KCNQ1OT1: variants seen among roughly 807,000 people sequenced by gnomAD.
KCNQ1OT1 encodes the protein KCNQ1 antisense RNA 2 (non-protein coding).
chr11:2,669,014 G>A lies in KCNQ1OT1; in HGVS notation n.30981C>T. Reference sequence around the variant, plus strand: ...TCAAGGTCCACTCTTCCCCTACTTGGATATCCAGTCTAGCTCAGCACCCGG... The same window carrying A: ...TCAAGGTCCACTCTTCCCCTACTTGAATATCCAGTCTAGCTCAGCACCCGG... On this transcript the variant is annotated non_coding_transcript_exon_variant, in exon 1 of 1. Coordinates refer to ENST00000597346, the Ensembl canonical transcript of KCNQ1OT1. This position sits in a 1 kb window ranked among gnomAD's most constrained non-coding sequence, Gnocchi z 5.6. 2.5e-6 allele frequency: 1 copy of A among 398,602 alleles called. No individual in the cohort carries two copies. Among genetic ancestry groups the A allele is most frequent in the Non-Finnish European group, 4.4e-6 (1 of 226,088 alleles). 24.7% of individuals were successfully genotyped at this position (398,602 alleles called of 1,614,324 possible).
rs776555787 is a variant in KCNQ1OT1, at chr11:2,679,941, G to A, written n.20054C>T. The A allele has an allele frequency of 2.3e-5, 9 of 396,710 alleles. No homozygotes were observed. Among genetic ancestry groups the A allele is most frequent in the East Asian group, 7.1e-5 (2 of 28,046 alleles). 24.6% of individuals were successfully genotyped at this position (396,710 alleles called of 1,614,324 possible). A position where few individuals can be genotyped will look rare whatever the true frequency, so the allele number is the denominator to read the frequency against. ...CAGAGTCTCACTTTGTCACCTAGGC[G>A]GGAATGCAGTGGCACAGTCTCGGCT... On this transcript the variant is annotated non_coding_transcript_exon_variant, in exon 1 of 1. Transcript: ENST00000597346. This position sits in a 1 kb window ranked among gnomAD's most constrained non-coding sequence, Gnocchi z 4.8.
exon 1 of KCNQ1OT1, chr11:2,646,046 G>A (rs1849660694): frequency 2.5e-6 from 1 of 398,654 alleles, no homozygotes; most frequent in Non-Finnish European, 4.4e-6. Context: ...ACATCGAGGA[G>A]TCTCTTCATG....
chr11:2,671,805 A>G lies in KCNQ1OT1; in HGVS notation n.28190T>C, dbSNP rs193239171. 4.1e-3 allele frequency: 1,624 copies of G among 398,712 alleles called. 8 individuals carry two copies. Among genetic ancestry groups the G allele is most frequent in the Middle Eastern group, 0.026 (42 of 1,588 alleles). The allele number at this position is 398,712 out of a possible 1,614,324, so 24.7% of individuals were successfully genotyped here. On this transcript the variant is annotated non_coding_transcript_exon_variant, in exon 1 of 1. Coordinates refer to ENST00000597346, the Ensembl canonical transcript of KCNQ1OT1. This position sits in a 1 kb window ranked among gnomAD's most constrained non-coding sequence, Gnocchi z 4.7. ...GACCCAGTCAGGGTTCTTCCCCCAA[A>G]TAAATCCCTGCAACCCCACTGTGGT...
exon 1 of KCNQ1OT1, chr11:2,648,987 T>TTC (rs1849713652): frequency 3.7e-6 from 1 of 270,644 alleles, no homozygotes; most frequent in East Asian, 6.7e-5. Flanking sequence ...TTTTCTTTTT[T>TTC]TTTTTTTTTT....
In KCNQ1OT1 at chr11:2,623,420, A is replaced by G. The variant is rs1849206919; in HGVS notation, n.76575T>C. 1 of 398,486 alleles carries G rather than the reference A, an allele frequency of 2.5e-6. No individual in the cohort carries two copies. Among genetic ancestry groups the G allele is most frequent in the African/African-American group, 2.1e-5 (1 of 48,622 alleles). 24.7% of individuals were successfully genotyped at this position (398,486 alleles called of 1,614,324 possible). On this transcript the variant is annotated non_coding_transcript_exon_variant, in exon 1 of 1. Coordinates refer to ENST00000597346, the Ensembl canonical transcript of KCNQ1OT1. The surrounding 1 kb of genome is among the most constrained non-coding windows in gnomAD (Gnocchi z 5.2). ...CCTAAAAGTACTCTGTGCACTGCCTATTCAACCCTTCTTCCCCAACAACCC... is the reference window on the plus strand; with the variant it reads ...CCTAAAAGTACTCTGTGCACTGCCTGTTCAACCCTTCTTCCCCAACAACCC...
In KCNQ1OT1 at chr11:2,624,673, C is replaced by T. The variant is rs1849234463; in HGVS notation, n.75322G>A. On this transcript the variant is annotated non_coding_transcript_exon_variant, in exon 1 of 1. Transcript: ENST00000597346. This position sits in a 1 kb window ranked among gnomAD's most constrained non-coding sequence, Gnocchi z 4.9. ...CACAATGCTGTGCAATCATCACTATCATCCATCTCCATAACACTTGTCATT... is the reference window on the plus strand; with the variant it reads ...CACAATGCTGTGCAATCATCACTATTATCCATCTCCATAACACTTGTCATT... 2.5e-6 allele frequency: 1 copy of T among 398,410 alleles called. No homozygotes were observed. The highest frequency in any genetic ancestry group is 2.1e-5 in the African/African-American group (1 of 48,622). 24.7% of individuals were successfully genotyped at this position (398,410 alleles called of 1,614,324 possible).
chr11:2,630,014 A>T (rs1849327384), exon 1 of KCNQ1OT1: 1 of 397,192 alleles, frequency 2.5e-6, no homozygotes, highest in Admixed American at 4.4e-5. Flanking sequence ...GAGGAGAGGC[A>T]TTCAGCTTTT....
At position 2,678,831 on chromosome 11, in the gene KCNQ1OT1, A is replaced by G. The variant is rs1850338076; in HGVS notation, n.21164T>C. 1.0e-5 allele frequency: 4 copies of G among 398,636 alleles called. No homozygotes were observed. Among genetic ancestry groups the G allele is most frequent in the Non-Finnish European group, 8.8e-6 (2 of 226,082 alleles). The allele number at this position is 398,636 out of a possible 1,614,324, so 24.7% of individuals were successfully genotyped here. On this transcript the variant is annotated non_coding_transcript_exon_variant, in exon 1 of 1. Coordinates refer to ENST00000597346, the Ensembl canonical transcript of KCNQ1OT1. The surrounding 1 kb of genome is among the most constrained non-coding windows in gnomAD (Gnocchi z 4.9). ...CTTGTTTCTTCCAAGGCTCACTTCAAGGAAGGCAGAATCCAGGTCGGGGGT... is the reference window on the plus strand; with the variant it reads ...CTTGTTTCTTCCAAGGCTCACTTCAGGGAAGGCAGAATCCAGGTCGGGGGT...
At chr11:2,662,849 C>T (rs1421958239) in exon 1 of KCNQ1OT1, 1 of 398,686 alleles carries the variant, frequency 2.5e-6, no homozygotes, top group East Asian at 3.6e-5. Context: ...TGGAAACTCT[C>T]CTTCTCTCTA....
At chr11:2,640,366 A>G (rs897005131) in exon 1 of KCNQ1OT1, 10 of 398,448 alleles carry the variant, frequency 2.5e-5, no homozygotes, top group Non-Finnish European at 3.1e-5. Context: ...ACTTACTGCA[A>G]TCTTTAACTC....
chr11:2,640,960 C>T, exon 1 of KCNQ1OT1: 1 of 398,712 alleles, frequency 2.5e-6, no homozygotes, highest in Non-Finnish European at 4.4e-6. Flanking sequence ...AAATAATGAC[C>T]TCCAGCTCCA....
At chr11:2,618,811 G>A (rs1172552130) in exon 1 of KCNQ1OT1, 2 of 398,184 alleles carry the variant, frequency 5.0e-6, no homozygotes, top group Non-Finnish European at 8.9e-6. Flanking sequence ...AGATTCATGA[G>A]CATGGGATAT....
rs1849751866 is a variant in KCNQ1OT1, at chr11:2,651,230, C to T, written n.48765G>A. Reference sequence around the variant, plus strand: ...CCTGTCTTGTGTCAGTCTCACAGCACACACAGCTTAATTCAGGAATTAAGC... The same window carrying T: ...CCTGTCTTGTGTCAGTCTCACAGCATACACAGCTTAATTCAGGAATTAAGC... On this transcript the variant is annotated non_coding_transcript_exon_variant, in exon 1 of 1. Transcript: ENST00000597346. The surrounding 1 kb of genome is among the most constrained non-coding windows in gnomAD (Gnocchi z 6.1). 1 of 398,668 alleles carries T rather than the reference C, an allele frequency of 2.5e-6. No individual in the cohort carries two copies. Among genetic ancestry groups the T allele is most frequent in the Non-Finnish European group, 4.4e-6 (1 of 226,094 alleles). The allele number at this position is 398,668 out of a possible 1,614,324, so 24.7% of individuals were successfully genotyped here. A position where few individuals can be genotyped will look rare whatever the true frequency, so the allele number is the denominator to read the frequency against.
rs543426353 is a variant in KCNQ1OT1 at position 2,614,232 on chromosome 11, A to G, written n.85763T>C. ...TTAGTCATTTGCAAGAGCCTCCACT[A>G]TAGCTGCTGCTCTGGACTACCTATT... On this transcript the variant is annotated non_coding_transcript_exon_variant, in exon 1 of 1. Transcript: ENST00000597346. 3.2e-4 allele frequency: 128 copies of G among 398,582 alleles called. 1 individual carries two copies. Among genetic ancestry groups the G allele is most frequent in the Middle Eastern group, 3.1e-3 (5 of 1,588 alleles). The allele number at this position is 398,582 out of a possible 1,614,324, so 24.7% of individuals were successfully genotyped here. A position where few individuals can be genotyped will look rare whatever the true frequency, so the allele number is the denominator to read the frequency against.
At chr11:2,697,658 A>G in exon 1 of KCNQ1OT1, 1 of 398,594 alleles carries the variant, frequency 2.5e-6, no homozygotes. Flanking sequence ...TAGCCTCTTA[A>G]TGTGAATTAC....
At chr11:2,672,444 G>A in exon 1 of KCNQ1OT1, 1 of 398,588 alleles carries the variant, frequency 2.5e-6, no homozygotes, top group Non-Finnish European at 4.4e-6. Flanking sequence ...GGGCTCTGAA[G>A]AGCTTCAATT....
chr11:2,632,861 A>G (rs1011598611), exon 1 of KCNQ1OT1: 7 of 398,328 alleles, frequency 1.8e-5, no homozygotes, highest in Admixed American at 8.8e-5. Flanking sequence ...ACTGTTGTGA[A>G]CAGTACTGCA....
At chr11:2,693,904 G>A in exon 1 of KCNQ1OT1, 1 of 398,816 alleles carries the variant, frequency 2.5e-6, no homozygotes, top group Non-Finnish European at 4.4e-6. Context: ...TCCTCCTGGA[G>A]TGTACTGCAA....
At chr11:2,619,088 G>T (rs1589984973) in exon 1 of KCNQ1OT1, 1 of 398,258 alleles carries the variant, frequency 2.5e-6, no homozygotes, top group East Asian at 3.6e-5. Flanking sequence ...GAGTCTTCGG[G>T]GTTTTCTATA....
Sources: gnomAD v4.1 joint callset for allele counts on GRCh38, gnomAD v4.1.1 for gene constraint, Gnocchi (gnomAD v3.1) non-coding constraint, MANE v1.5 for transcripts, NCBI Gene and HGNC (gene_info 2026-07-23, HGNC 2026-07-21) for gene names.